The following RXRA variants were observed in gnomAD, a reference collection of about 807,000 sequenced individuals.
RXRA encodes retinoid X receptor alpha.
Under a neutral mutation model 44.5 loss-of-function variants are expected in RXRA, and 5 were observed. That is an observed-to-expected ratio of 0.11 (90% confidence interval 0.06 to 0.24). The LOEUF (loss-of-function observed/expected upper bound fraction) is 0.24. Ranked by LOEUF, RXRA falls within the 10% of genes least tolerant of loss-of-function variation. The probability of loss-of-function intolerance (pLI) is 1.00; values close to 1 mark genes in which losing one functional copy is unlikely to be tolerated. For synonymous variants in RXRA, 291 were observed against 271.4 expected (o/e 1.07, Z -0.71); for missense variants, 412 against 646.5 (o/e 0.64, Z 3.93).
chr9:134,335,517 G>A (rs1829986051), intron 1 of RXRA, among the ~76,000 whole-genome samples: 1 of 152,210 alleles, frequency 6.6e-6, no homozygotes, highest in African/African-American at 2.4e-5. Flanking sequence ...GGGTTTCTGA[G>A]GGTCTGACTG....
chr9:134,337,147 C>G (rs923271239), intron 1 of RXRA, among the ~76,000 whole-genome samples: 1 of 152,182 alleles, frequency 6.6e-6, no homozygotes, highest in Non-Finnish European at 1.5e-5. Context: ...ATTCCCAGAT[C>G]GAGAGAGGGA....
In RXRA at chr9:134,414,169, C is replaced by T. The variant is rs556387248; in HGVS notation, c.611-2989C>T. On this transcript the variant is annotated intron_variant, in intron 4 of 9. Coordinates refer to ENST00000481739, the MANE Select transcript of RXRA (RefSeq NM_002957.6). ...CTGGGCAGAGCTGCCAGGCCCTTCA[C>T]AGCTTCAAAGTGCTTCACAAAACAC... Among the ~76,000 whole-genome samples the T allele has an allele frequency of 4.6e-5, 7 of 152,394 alleles. 1 individual carries two copies. In the South Asian group the frequency reaches 1.2e-3, roughly 27 times the overall value.
chr9:134,364,924 A>G (rs1830395183), intron 1 of RXRA, among the ~76,000 whole-genome samples: 1 of 152,122 alleles, frequency 6.6e-6, no homozygotes, highest in South Asian at 2.1e-4. Flanking sequence ...CTGGCTTTGA[A>G]TGTTACATAG....
In RXRA at chr9:134,408,031, C is replaced by T. The variant is rs550864184; in HGVS notation, c.280-118C>T. The T allele has an allele frequency of 2.1e-5, 16 of 754,530 alleles. No homozygotes were observed. The African/African-American group carries it at 2.2e-4, about 10-fold the overall frequency. The allele number at this position is 754,530 out of a possible 1,614,324, so 46.7% of individuals were successfully genotyped here. ...GGTGGGGGGCACGGCCCTCTCTAGC[C>T]TCGGTGTCTGTGTGTGAAGTTGGGG... On this transcript the variant is annotated intron_variant, in intron 2 of 9. Transcript: ENST00000481739.
intron 6 of RXRA, chr9:134,424,619 C>A: frequency 1.0e-6 from 1 of 985,488 alleles, no homozygotes; most frequent in Non-Finnish European, 1.2e-6. Flanking sequence ...AGCAGCTCAC[C>A]CATCAGGTGG....
In RXRA at chr9:134,431,949, A is replaced by C; in HGVS notation, c.1088A>C (p.Asp363Ala). 1.2e-6 allele frequency: 2 copies of C among 1,613,998 alleles called. No homozygotes were observed. Among genetic ancestry groups the C allele is most frequent in the Non-Finnish European group, 1.7e-6 (2 of 1,179,946 alleles). ...LVSKMRDMQM[D>A]KTELGCLRAI... ...TCCAAGATGCGGGACATGCAGATGG[A>C]CAAGACGGAGCTGGGCTGCCTGCGC... The change falls in exon 8 of 10, where the codon GAC becomes GCC. Residue 363 changes from aspartate to alanine, a missense_variant. By Grantham distance (126) the Asp-to-Ala change is moderately radical. Around this residue, in one of 4 missense-constraint regions of RXRA, gnomAD observed 141 missense variants for 270.8 expected, o/e 0.52. Coordinates refer to ENST00000481739, the MANE Select transcript of RXRA (RefSeq NM_002957.6).
intron 1 of RXRA, among the ~76,000 whole-genome samples, chr9:134,400,758 C>G (rs1005049318): frequency 1.3e-5 from 2 of 152,192 alleles, no homozygotes; most frequent in African/African-American, 2.4e-5. Context: ...GTGGGAGGTC[C>G]CAGCCTCTCC....
intron 1 of RXRA, among the ~76,000 whole-genome samples, chr9:134,358,329 A>G (rs1830309031): frequency 6.6e-6 from 1 of 152,126 alleles, no homozygotes; most frequent in Non-Finnish European, 1.5e-5. Context: ...GCAGGCAGGC[A>G]GGAGCCACAG....
intron 1 of RXRA, among the ~76,000 whole-genome samples, chr9:134,397,163 A>G (rs780467345): frequency 2.6e-5 from 4 of 152,190 alleles, no homozygotes; most frequent in Non-Finnish European, 5.9e-5. Context: ...TTTGGTCAAC[A>G]GGGTGTCCCT....
intron 1 of RXRA, among the ~76,000 whole-genome samples, chr9:134,368,641 G>A (rs568438408): frequency 2.6e-4 from 39 of 152,020 alleles, no homozygotes; most frequent in Admixed American, 1.9e-3. Context: ...GCTGTGTGGT[G>A]TGTGTGTGAG....
At chr9:134,425,045 C>T (rs1831409766) in intron 6 of RXRA, 1 of 985,340 alleles carries the variant, frequency 1.0e-6, no homozygotes, top group Non-Finnish European at 1.2e-6. Context: ...CTGCAATTCC[C>T]ACCATCGTGA....
At chr9:134,412,195 A>G (rs1178108595) in intron 4 of RXRA, among the ~76,000 whole-genome samples, 2 of 152,220 alleles carry the variant, frequency 1.3e-5, no homozygotes, top group Non-Finnish European at 2.9e-5. Context: ...AAGTTGGCCA[A>G]CACTAGGTGC....
rs1386776565 is a variant in RXRA, at chr9:134,365,954, G to T, written c.29-35678G>T. 6.6e-6 allele frequency among the ~76,000 whole-genome samples: 1 copy of T among 152,060 alleles called. No homozygotes were observed. Among genetic ancestry groups the T allele is most frequent in the African/African-American group, 2.4e-5 (1 of 41,392 alleles). On this transcript the variant is annotated intron_variant, in intron 1 of 9. Transcript: ENST00000481739. This position sits in a 1 kb window ranked among gnomAD's most constrained non-coding sequence, Gnocchi z 4.0. ...CAGTTGTGGCTGCCTCCAGTCAGGC[G>T]TCCGCTGAGCGACCCCTAGGAGCCG...
chr9:134,413,218 C>T (rs540827652), intron 4 of RXRA, among the ~76,000 whole-genome samples: 2 of 151,972 alleles, frequency 1.3e-5, no homozygotes, highest in Admixed American at 6.6e-5. Flanking sequence ...GAGTGCTGTG[C>T]GTGGCTGGTG....
Position 134,426,496 on chromosome 9 carries a change from G to A in RXRA, c.911-2612G>A, listed in dbSNP as rs936704805. 16 of 985,350 alleles carry A rather than the reference G, an allele frequency of 1.6e-5. No individual in the cohort carries two copies. The highest frequency in any genetic ancestry group is 7.0e-5 in the African/African-American group (4 of 57,248). 61.0% of individuals were successfully genotyped at this position (985,350 alleles called of 1,614,324 possible). A position where few individuals can be genotyped will look rare whatever the true frequency, so the allele number is the denominator to read the frequency against. ...ACAGGGGAGCTGAGATGCAGCCGGC[G>A]TGCCGGAGGGTGCAGAGAGAGACTC... is the stretch of plus-strand genomic sequence containing the variant. On this transcript the variant is annotated intron_variant, in intron 6 of 9. Coordinates refer to ENST00000481739, the MANE Select transcript of RXRA (RefSeq NM_002957.6). The surrounding 1 kb of genome is among the most constrained non-coding windows in gnomAD (Gnocchi z 4.6).
At chr9:134,404,125 C>CT (rs1005592333) in intron 2 of RXRA, 6 of 152,250 alleles carry the variant, frequency 3.9e-5, no homozygotes, top group African/African-American at 1.4e-4. Context: ...CACTCCTAGC[C>CT]CCAAAACCAC....
chr9:134,372,545 G>T (rs1030384501), intron 1 of RXRA, among the ~76,000 whole-genome samples: 4 of 150,852 alleles, frequency 2.7e-5, no homozygotes, highest in African/African-American at 9.7e-5. Flanking sequence ...GCATCACGGA[G>T]GCCTCCCCGT....
chr9:134,396,418 G>A, intron 1 of RXRA, among the ~76,000 whole-genome samples: 1 of 152,154 alleles, frequency 6.6e-6, no homozygotes, highest in Admixed American at 6.5e-5. Context: ...GGGAGGCCAG[G>A]GGAAGCAGTA....
At chr9:134,347,283 C>T (rs1378246019) in intron 1 of RXRA, among the ~76,000 whole-genome samples, 1 of 152,210 alleles carries the variant, frequency 6.6e-6, no homozygotes, top group African/African-American at 2.4e-5. Context: ...TCTAATTTTC[C>T]TGTGTAATTT....
Sources: gnomAD v4.1 joint callset for allele counts (sites outside exome capture counted in the v4.1 genomes callset) on GRCh38, gnomAD v4.1.1 for gene constraint, gnomAD v4.1.1 regional missense constraint, Gnocchi (gnomAD v3.1) non-coding constraint, MANE v1.5 for transcripts, NCBI Gene and HGNC (gene_info 2026-07-23, HGNC 2026-07-21) for gene names.